Variants in GDF6 observed in about 807,000 individuals in gnomAD.
GDF6 encodes growth/differentiation factor 6.
Under a neutral mutation model 32.4 loss-of-function variants are expected in GDF6, and 3 were observed. The observed-to-expected ratio is 0.09, with a 90% confidence interval of 0.04 to 0.24. GDF6 has a LOEUF of 0.24. Ranked by LOEUF, GDF6 falls within the 10% of genes least tolerant of loss-of-function variation. The pLI is 1.00. For synonymous variants in GDF6, 296 were observed against 295.3 expected, an observed-to-expected ratio of 1.00 and a Z score of -0.03; for missense variants, 589 against 637.9, an observed-to-expected ratio of 0.92 and a Z score of 0.83.
In GDF6 at chr8:96,145,022, C is replaced by G. The variant is rs1812448353; in HGVS notation, c.909G>C (p.Ala303=). 2 of 1,420,800 alleles carry G rather than the reference C, an allele frequency of 1.4e-6. No individual in the cohort carries two copies. Among genetic ancestry groups the G allele is most frequent in the Non-Finnish European group, 1.8e-6 (2 of 1,087,492 alleles). 88.0% of individuals were successfully genotyped at this position (1,420,800 alleles called of 1,614,324 possible). ...MREQLGSAEA[A]GPGAGAEGSW... Reference sequence around the variant, plus strand: ...ACCCCTCGGCGCCCGCGCCCGGGCCCGCAGCCTCGGCCGAGCCCAGCTGCT... The same window carrying G: ...ACCCCTCGGCGCCCGCGCCCGGGCCGGCAGCCTCGGCCGAGCCCAGCTGCT... Residue 303 remains alanine (A), a synonymous_variant, in exon 2 of 2, where the codon GCG becomes GCC. Coordinates refer to ENST00000287020, the MANE Select transcript of GDF6 (RefSeq NM_001001557.4). This position sits in a 1 kb window ranked among gnomAD's most constrained non-coding sequence, Gnocchi z 5.6.
rs1419686349 is a variant in GDF6 at position 96,144,283 on chromosome 8, A to AGAGAGG, written c.*279_*280insCCTCTC. On this transcript the variant is annotated 3_prime_UTR_variant, in exon 2 of 2. Transcript: ENST00000287020. The surrounding 1 kb of genome is among the most constrained non-coding windows in gnomAD (Gnocchi z 5.1). ...GAGAGAGAGAGAGAGAGAGAGAGAG[A>AGAGAGG]GAGAGAGAAAACAGAACAAAAGAAA... The AGAGAGG allele has an allele frequency of 8.1e-6, 4 of 492,312 alleles. No homozygotes were observed. The highest frequency in any genetic ancestry group is 7.3e-6 in the Non-Finnish European group (2 of 272,298). 30.5% of individuals were successfully genotyped at this position (492,312 alleles called of 1,614,324 possible).
At position 96,146,707 on chromosome 8, in the gene GDF6, C is replaced by CACACAGAGAGAGAG. The variant is rs367654279; in HGVS notation, c.407-1184_407-1183insCTCTCTCTCTGTGT. ...ACACACACACACACACACACACACACAGAGAGAGAGAGAGAGAGATAGAGA... is the reference window on the plus strand; with the variant it reads ...ACACACACACACACACACACACACACACACAGAGAGAGAGAGAGAGAGAGAGAGAGAGATAGAGA... On this transcript the variant is annotated intron_variant, in intron 1 of 1. Coordinates refer to ENST00000287020, the MANE Select transcript of GDF6 (RefSeq NM_001001557.4). 1.1e-3 allele frequency among the ~76,000 whole-genome samples: 159 copies of CACACAGAGAGAGAG among 140,008 alleles called. 1 individual carries two copies. Among genetic ancestry groups the CACACAGAGAGAGAG allele is most frequent in the African/African-American group, 4.4e-3 (155 of 35,166 alleles). 91.9% of individuals were successfully genotyped at this position (140,008 alleles called of 152,430 possible).
At position 96,160,398 on chromosome 8, in the gene GDF6, G is replaced by A. The variant is rs746383854; in HGVS notation, c.295C>T (p.Leu99=). The change falls in exon 1 of 2, where the codon CTG becomes TTG. Residue 99 remains leucine (L), a synonymous_variant. Transcript: ENST00000287020. ...GPRVVPHEYM[L]SIYRTYSIAE... ...ATGGAGTAAGTCCTGTAGATTGACA[G>A]CATGTACTCGTGGGGCACCACGCGC... The A allele has an allele frequency of 3.7e-6, 6 of 1,614,192 alleles. No homozygotes were observed. Among genetic ancestry groups the A allele is most frequent in the Non-Finnish European group, 5.1e-6 (6 of 1,180,004 alleles).
rs1272168252 is a variant in GDF6 at position 96,142,820 on chromosome 8, T to C, written c.*1743A>G. On this transcript the variant is annotated 3_prime_UTR_variant, in exon 2 of 2. Coordinates refer to ENST00000287020, the MANE Select transcript of GDF6 (RefSeq NM_001001557.4). ...AGCATTTTTATATTAGCATTTCTTA[T>C]CATCCCCACCCTTTCTTTGACAGTT... 6.6e-6 allele frequency: 1 copy of C among 152,428 alleles called. No homozygotes were observed. The highest frequency in any genetic ancestry group is 1.5e-5 in the Non-Finnish European group (1 of 68,040). 9.4% of individuals were successfully genotyped at this position (152,428 alleles called of 1,614,324 possible). A position where few individuals can be genotyped will look rare whatever the true frequency, so the allele number is the denominator to read the frequency against.
rs1384523500 is a variant in GDF6 at position 96,144,934 on chromosome 8, G to A, written c.997C>T (p.Arg333Trp). Residue 333 changes from arginine (R) to tryptophan (W), a missense_variant, in exon 2 of 2, where the codon CGG (arginine) becomes TGG (tryptophan). Physicochemically the swap from Arg to Trp is moderately radical, Grantham distance 101. Around this residue, in one of 2 missense-constraint regions of GDF6, gnomAD observed 153 missense variants for 226.7 expected, o/e 0.67. Transcript: ENST00000287020. This position sits in a 1 kb window ranked among gnomAD's most constrained non-coding sequence, Gnocchi z 5.1. The part of the protein sequence containing the change: ...RPWLPSPGRR[R>W]RRTAFASRHG... ...CGACTGGCGAAGGCCGTGCGCCGCC[G>A]CCGGCGGCCGGGCGAGGGCAGCCAA... 4.4e-6 allele frequency: 7 copies of A among 1,582,976 alleles called. No individual in the cohort carries two copies. In the South Asian group the frequency reaches 6.8e-5, roughly 15 times the overall value.
chr8:96,160,466 C>T lies in GDF6; in HGVS notation c.227G>A (p.Arg76Gln), dbSNP rs1181314194. 2 of 1,613,242 alleles carry T rather than the reference C, an allele frequency of 1.2e-6. No individual in the cohort carries two copies. Among genetic ancestry groups the T allele is most frequent in the East Asian group, 2.2e-5 (1 of 44,854 alleles). ...EPQPRPQDEP[R>Q]AQQPRAQEPP... ...CTCCTGCGCCCGGGGCTGCTGAGCC[C>T]GGGGTTCGTCCTGAGGCCGCGGCTG... The change falls in exon 1 of 2, where the codon CGG becomes CAG. Residue 76 changes from arginine to glutamine, a missense_variant. Around this residue, in one of 2 missense-constraint regions of GDF6, gnomAD observed 436 missense variants for 411.2 expected, o/e 1.06. Transcript: ENST00000287020.
intron 1 of GDF6, among the ~76,000 whole-genome samples, chr8:96,150,409 G>C (rs1200515540): frequency 1.3e-5 from 2 of 152,234 alleles, no homozygotes; most frequent in African/African-American, 4.8e-5. Context: ...CTTTGCAAGA[G>C]AAACTCTAGG....
Position 96,160,698 on chromosome 8 carries a change from G to C in GDF6, c.-6C>G, listed in dbSNP as rs1812746706. 1.2e-6 allele frequency: 2 copies of C among 1,612,960 alleles called. No homozygotes were observed. The highest frequency in any genetic ancestry group is 2.2e-5 in the East Asian group (1 of 44,818). ...AGGACCCTGGGAGTATCCATGGCGG[G>C]CAAGTGGCTGCGTCTCCCCAGGAGG... is the stretch of plus-strand genomic sequence containing the variant. On this transcript the variant is annotated 5_prime_UTR_variant, in exon 1 of 2. Coordinates refer to ENST00000287020, the MANE Select transcript of GDF6 (RefSeq NM_001001557.4).
At chr8:96,157,101 A>G (rs1360757263) in intron 1 of GDF6, among the ~76,000 whole-genome samples, 1 of 152,184 alleles carries the variant, frequency 6.6e-6, no homozygotes, top group African/African-American at 2.4e-5. Flanking sequence ...CATGTAACCA[A>G]TTTTAGTGCA....
chr8:96,144,548 G>T lies in GDF6; in HGVS notation c.*15C>A, dbSNP rs1812435551. On this transcript the variant is annotated 3_prime_UTR_variant, in exon 2 of 2. Coordinates refer to ENST00000287020, the MANE Select transcript of GDF6 (RefSeq NM_001001557.4). This position sits in a 1 kb window ranked among gnomAD's most constrained non-coding sequence, Gnocchi z 5.1. ...CCCACCTTGGTTCCGGGCCAAGGCG[G>T]CGGGAAAGGCACCGCTACCTGCAGC... is the stretch of plus-strand genomic sequence containing the variant. 2 of 1,612,744 alleles carry T rather than the reference G, an allele frequency of 1.2e-6. No individual in the cohort carries two copies. The highest frequency in any genetic ancestry group is 1.7e-6 in the Non-Finnish European group (2 of 1,179,578).
chr8:96,150,894 C>G (rs1037123404), intron 1 of GDF6, among the ~76,000 whole-genome samples: 1 of 152,200 alleles, frequency 6.6e-6, no homozygotes, highest in African/African-American at 2.4e-5. Context: ...AAATTCATGA[C>G]TGGGCTTGGA....
intron 1 of GDF6, among the ~76,000 whole-genome samples, chr8:96,151,754 A>T (rs1019377476): frequency 2.0e-5 from 3 of 152,214 alleles, no homozygotes; most frequent in African/African-American, 7.2e-5. Context: ...ACTACTGACA[A>T]TGTGGAATGA....
chr8:96,148,690 T>C (rs2130214997), intron 1 of GDF6, among the ~76,000 whole-genome samples: 1 of 152,330 alleles, frequency 6.6e-6, no homozygotes, highest in South Asian at 2.1e-4. Context: ...CCAAACAAGG[T>C]GCTGCAAAGC....
chr8:96,155,095 C>G (rs1812636941), intron 1 of GDF6, among the ~76,000 whole-genome samples: 1 of 152,180 alleles, frequency 6.6e-6, no homozygotes, highest in African/African-American at 2.4e-5. Flanking sequence ...TTTTAATGCG[C>G]AGAAACCACA....
rs375724225 is a variant in GDF6 at position 96,160,632 on chromosome 8, G to C, written c.61C>G (p.Pro21Ala). The C allele has an allele frequency of 1.2e-6, 2 of 1,613,604 alleles. No homozygotes were observed. The highest frequency in any genetic ancestry group is 8.5e-7 in the Non-Finnish European group (1 of 1,179,702). Reference protein sequence around the residue: ...VFLISFLWDLPGFQQASISSS... With the variant: ...VFLISFLWDLAGFQQASISSS... ...GAGATGGAAGCCTGCTGGAAACCGG[G>C]CAAATCCCACAGAAAACTGATGAGG... The change falls in exon 1 of 2, where the codon CCC becomes GCC. Residue 21 changes from proline to alanine, a missense_variant. Coordinates refer to ENST00000287020, the MANE Select transcript of GDF6 (RefSeq NM_001001557.4).
At chr8:96,146,930 G>A (rs963338812) in intron 1 of GDF6, among the ~76,000 whole-genome samples, 1 of 152,188 alleles carries the variant, frequency 6.6e-6, no homozygotes, top group Admixed American at 6.5e-5. Context: ...ACACATTTGT[G>A]CATGAAGCCA....
chr8:96,156,104 G>C (rs1179988383), intron 1 of GDF6, among the ~76,000 whole-genome samples: 1 of 152,184 alleles, frequency 6.6e-6, no homozygotes, highest in Non-Finnish European at 1.5e-5. Context: ...TATTTCTAGG[G>C]CATCAAGTTC....
Position 96,160,310 on chromosome 8 carries a change from G to C in GDF6, c.383C>G (p.Thr128Ser), listed in dbSNP as rs747736142. The C allele has an allele frequency of 6.2e-7, 1 of 1,614,150 alleles. No homozygotes were observed. Among genetic ancestry groups the C allele is most frequent in the Non-Finnish European group, 8.5e-7 (1 of 1,180,056 alleles). Reference sequence around the variant, plus strand: ...ACCTAGTCCCCTGTCTACAAAGCTGGTGATCGTATTAGCCGACTTGGAAGA... The same window carrying C: ...ACCTAGTCCCCTGTCTACAAAGCTGCTGATCGTATTAGCCGACTTGGAAGA... ...FQSSKSANTI[T>S]SFVDRGLDDL... Residue 128 changes from threonine (T) to serine (S), a missense_variant, in exon 1 of 2, where the codon ACC becomes AGC. By Grantham distance (58) the Thr-to-Ser change is moderately conservative. Transcript: ENST00000287020.
intron 1 of GDF6, among the ~76,000 whole-genome samples, chr8:96,149,431 C>A (rs1812532957): frequency 6.6e-6 from 1 of 152,276 alleles, no homozygotes; most frequent in South Asian, 2.1e-4. Flanking sequence ...CGTTTCCTGG[C>A]AGCTACGTAG....
Sources: allele counts gnomAD v4.1 joint callset (sites outside exome capture counted in the v4.1 genomes callset), GRCh38; gene constraint gnomAD v4.1.1; regional missense constraint gnomAD v4.1.1; non-coding constraint Gnocchi (gnomAD v3.1); transcripts MANE v1.5; gene names NCBI Gene and HGNC (gene_info 2026-07-23, HGNC 2026-07-21).